ATP9A: variants seen among roughly 807,000 people sequenced by gnomAD.
ATP9A encodes probable phospholipid-transporting ATPase IIA.
In ATP9A, 52 loss-of-function variants were observed where a neutral mutation model predicts 144.1. That is an observed-to-expected ratio of 0.36 (90% CI 0.29 to 0.45). The LOEUF (loss-of-function observed/expected upper bound fraction) is 0.45. Among genes scored for constraint, ATP9A ranks in the 20% least tolerant of loss-of-function variants. ATP9A has a pLI of 1.00. For synonymous variants in ATP9A, 582 were observed against 557.4 expected, an observed-to-expected ratio of 1.04 and a Z score of -0.62; for missense variants, 947 against 1,392.7, an observed-to-expected ratio of 0.68 and a Z score of 5.09.
At chr20:51,676,303 G>T in intron 9 of ATP9A, 95 bp from the exon 10 acceptor site, 1 of 996,858 alleles carries the variant, frequency 1.0e-6, no homozygotes, top group Non-Finnish European at 1.4e-6. Context: ...TTGAGAGACT[G>T]GGTTCTTTTT....
intron 6 of ATP9A, 135 bp from the exon 7 acceptor site, chr20:51,694,237 A>G: frequency 1.6e-6 from 1 of 609,890 alleles, no homozygotes; most frequent in South Asian, 2.1e-5. Flanking sequence ...TACATATCCT[A>G]TCTCCTACTT....
At chr20:51,649,654 C>G (rs980879529) in intron 14 of ATP9A, among the ~76,000 whole-genome samples, 2 of 152,294 alleles carry the variant, frequency 1.3e-5, no homozygotes, top group African/African-American at 4.8e-5. Flanking sequence ...GTAGTTCACG[C>G]CTGTAATCCC....
intron 1 of ATP9A, among the ~76,000 whole-genome samples, chr20:51,736,647 G>T (rs146126610): frequency 3.9e-5 from 6 of 152,126 alleles, no homozygotes; most frequent in South Asian, 4.1e-4. Context: ...GAGCCACCGC[G>T]CCTGGCCCTC....
chr20:51,671,310 G>C, intron 11 of ATP9A, 53 bp from the exon 12 acceptor site: 1 of 1,579,376 alleles, frequency 6.3e-7, no homozygotes, highest in Non-Finnish European at 8.7e-7. Flanking sequence ...AAGGCTCCTT[G>C]TATCTTTATA....
At chr20:51,757,527 T>C (rs1193966563) in intron 1 of ATP9A, among the ~76,000 whole-genome samples, 1 of 152,164 alleles carries the variant, frequency 6.6e-6, no homozygotes, top group Non-Finnish European at 1.5e-5. Context: ...ACCTTTCCAA[T>C]TCTCACCAGA....
chr20:51,735,018 C>A, intron 1 of ATP9A: 1 of 204,286 alleles, frequency 4.9e-6, no homozygotes, highest in South Asian at 9.4e-5. Flanking sequence ...AGCTTCAGTT[C>A]CAGCTCAGGC....
At chr20:51,693,977 C>T (rs754290530) in intron 7 of ATP9A, 31 bp downstream of exon 7, 41 of 1,593,394 alleles carry the variant, frequency 2.6e-5, no homozygotes, top group African/African-American at 4.0e-5. Flanking sequence ...ATAGGTTGCC[C>T]GCATGGGCTT....
At chr20:51,753,306 G>C (rs1464257101) in intron 1 of ATP9A, among the ~76,000 whole-genome samples, 1 of 152,076 alleles carries the variant, frequency 6.6e-6, no homozygotes, top group African/African-American at 2.4e-5. Context: ...TTAGCTGGGC[G>C]TGGTGGTGTG....
intron 1 of ATP9A, among the ~76,000 whole-genome samples, chr20:51,760,218 G>C (rs1310097934): frequency 6.6e-6 from 1 of 152,176 alleles, no homozygotes; most frequent in Non-Finnish European, 1.5e-5. Context: ...GTGAGTTACA[G>C]AGTTGTTGCC....
chr20:51,718,755 CA>C (rs2077673872), intron 3 of ATP9A, among the ~76,000 whole-genome samples: 1 of 134,866 alleles, frequency 7.4e-6, no homozygotes, highest in Admixed American at 8.6e-5. Context: ...GCGGAGGTTG[CA>C]GTGAGCCGAG....
At chr20:51,754,305 C>T (rs578244098) in intron 1 of ATP9A, among the ~76,000 whole-genome samples, 9 of 152,136 alleles carry the variant, frequency 5.9e-5, no homozygotes, top group African/African-American at 2.2e-4. Flanking sequence ...AGTTCAAGAC[C>T]AGCCTGACCA....
At chr20:51,638,073 A>ATT (rs1193337612) in intron 15 of ATP9A, among the ~76,000 whole-genome samples, 328 of 8,666 alleles carry the variant, frequency 0.038, 6 homozygotes, top group East Asian at 0.071. Flanking sequence ...TCATCATTTT[A>ATT]TATATATATA....
chr20:51,699,333 C>CA (rs74175569), intron 4 of ATP9A, among the ~76,000 whole-genome samples: 10,170 of 70,166 alleles, frequency 0.14, 635 homozygotes, highest in East Asian at 0.2. Flanking sequence ...AACTCAATCT[C>CA]AAAAAAAAAA....
intron 9 of ATP9A, among the ~76,000 whole-genome samples, chr20:51,683,829 T>G (rs2077510775): frequency 6.6e-6 from 1 of 152,208 alleles, no homozygotes; most frequent in South Asian, 2.1e-4. Context: ...TTCCCTTGCC[T>G]GTTAGTTCTC....
chr20:51,647,220 C>G (rs1182602046), intron 14 of ATP9A, among the ~76,000 whole-genome samples: 1 of 152,148 alleles, frequency 6.6e-6, no homozygotes, highest in Non-Finnish European at 1.5e-5. Context: ...GAAGAAAGAA[C>G]AGCATCATCT....
At chr20:51,751,888 G>A (rs1045581229) in intron 1 of ATP9A, among the ~76,000 whole-genome samples, 7 of 151,928 alleles carry the variant, frequency 4.6e-5, no homozygotes, top group East Asian at 3.9e-4. Context: ...GCGCCCGGCC[G>A]CTCCTCTTCT....
At chr20:51,685,519 C>T (rs904476543) in intron 9 of ATP9A, among the ~76,000 whole-genome samples, 2 of 151,684 alleles carry the variant, frequency 1.3e-5, no homozygotes, top group South Asian at 2.1e-4. Flanking sequence ...GCCAAGATCA[C>T]AACACTGCAC....
chr20:51,644,031 A>T (rs1048505975), intron 14 of ATP9A, among the ~76,000 whole-genome samples: 1 of 152,088 alleles, frequency 6.6e-6, no homozygotes, highest in Non-Finnish European at 1.5e-5. Context: ...GCTACTCGGG[A>T]GTCTAAGGCA....
intron 24 of ATP9A, among the ~76,000 whole-genome samples, chr20:51,609,364 G>A (rs915866643): frequency 1.3e-5 from 2 of 152,134 alleles, no homozygotes; most frequent in African/African-American, 4.8e-5. Flanking sequence ...ACAGTAGGAT[G>A]GAAAGCGGAC....
Sources: gnomAD v4.1 joint callset for allele counts (sites outside exome capture counted in the v4.1 genomes callset) on GRCh38, gnomAD v4.1.1 for gene constraint, MANE v1.5 for transcripts, NCBI Gene and HGNC (gene_info 2026-07-23, HGNC 2026-07-21) for gene names.